GMIP: variants seen among roughly 807,000 people sequenced by gnomAD.
GMIP encodes GEM-interacting protein.
GMIP carries 54 observed loss-of-function variants against 105.3 expected under a neutral mutation model. The ratio of observed to expected loss-of-function variants is 0.51; its 90% CI spans 0.41 to 0.64. GMIP has a LOEUF of 0.64. GMIP is among the 30% of genes least tolerant of loss of function. GMIP has a pLI of 0.00. For missense variants in GMIP, 1,110 were observed against 1,319.4 expected (o/e 0.84, Z 2.46); for synonymous variants, 541 against 560.8 (o/e 0.96, Z 0.50).
At position 19,637,321 on chromosome 19, in the gene GMIP, G is replaced by A. The variant is rs1280426378; in HGVS notation, c.1124+44C>T. ...CCTGCGGTGCCAACAGCCTGGCATCGCGATTCCGGGGCTCGTTCCCGACTC... is the reference window on the plus strand; with the variant it reads ...CCTGCGGTGCCAACAGCCTGGCATCACGATTCCGGGGCTCGTTCCCGACTC... On this transcript the variant is annotated intron_variant, in intron 11 of 20. Transcript: ENST00000203556. This position sits in a 1 kb window ranked among gnomAD's most constrained non-coding sequence, Gnocchi z 6.7. 1.5e-6 allele frequency: 2 copies of A among 1,316,700 alleles called. No homozygotes were observed. Among genetic ancestry groups the A allele is most frequent in the African/African-American group, 1.5e-5 (1 of 66,000 alleles). 81.6% of individuals were successfully genotyped at this position (1,316,700 alleles called of 1,614,324 possible).
At position 19,637,677 on chromosome 19, in the gene GMIP, G is replaced by T; in HGVS notation, c.928-116C>A. The T allele has an allele frequency of 1.1e-6, 1 of 930,656 alleles. No homozygotes were observed. The highest frequency in any genetic ancestry group is 1.5e-6 in the Non-Finnish European group (1 of 646,870). 57.6% of individuals were successfully genotyped at this position (930,656 alleles called of 1,614,324 possible). ...CGTGGTCAGGGTTTGGGACGCACCT[G>T]GGCGGCTTAGGAACTAGGGCAGTCG... On this transcript the variant is annotated intron_variant, in intron 10 of 20. Coordinates refer to ENST00000203556, the MANE Select transcript of GMIP (RefSeq NM_016573.4). The surrounding 1 kb of genome is among the most constrained non-coding windows in gnomAD (Gnocchi z 6.7).
intron 2 of GMIP, 40 bp from the exon 3 acceptor site, chr19:19,642,091 A>AG: frequency 7.1e-7 from 1 of 1,415,192 alleles, no homozygotes; most frequent in African/African-American, 1.4e-5. Context: ...CCTTACACCC[A>AG]GTCTGTCCTG....
In GMIP at chr19:19,634,187, C is replaced by A; in HGVS notation, c.2088G>T (p.Val696=). 6.3e-7 allele frequency: 1 copy of A among 1,593,168 alleles called. No homozygotes were observed. The change falls in exon 19 of 21, where the codon GTG becomes GTT. Residue 696 remains valine (V), a synonymous_variant. Coordinates refer to ENST00000203556, the MANE Select transcript of GMIP (RefSeq NM_016573.4). The surrounding 1 kb of genome is among the most constrained non-coding windows in gnomAD (Gnocchi z 6.1). Reference sequence around the variant, plus strand: ...TCTTGTTTTCCATAAATCGTGCAGCCACCCTGGGGATGGTGTGAAGAGAAA... The same window carrying A: ...TCTTGTTTTCCATAAATCGTGCAGCAACCCTGGGGATGGTGTGAAGAGAAA... ...LRHLVAHLFR[V]AARFMENKMS... is the part of the protein sequence containing the mutation.
At chr19:19,638,586 A>G in intron 7 of GMIP, 104 bp from the exon 8 acceptor site, 1 of 922,028 alleles carries the variant, frequency 1.1e-6, no homozygotes, top group South Asian at 1.6e-5. Context: ...CCACCTCTGG[A>G]CTCTATTTTT....
intron 19 of GMIP, 62 bp downstream of exon 19, chr19:19,633,741 A>T: frequency 8.6e-7 from 1 of 1,168,148 alleles, no homozygotes; most frequent in South Asian, 2.9e-5. Context: ...GTGAAAGAGA[A>T]GGTAAGAGAA....
chr19:19,630,366 G>C lies in GMIP; in HGVS notation c.2540-30C>G. The C allele has an allele frequency of 1.9e-6, 3 of 1,561,480 alleles. No homozygotes were observed. The highest frequency in any genetic ancestry group is 2.6e-6 in the Non-Finnish European group (3 of 1,156,356). ...GTACGGGGTGGGTGGTCAGTGCAGAGCACCTCCAAGTTCTCTGTATATCCC... is the reference window on the plus strand; with the variant it reads ...GTACGGGGTGGGTGGTCAGTGCAGACCACCTCCAAGTTCTCTGTATATCCC... On this transcript the variant is annotated intron_variant, in intron 20 of 20. Transcript: ENST00000203556. The surrounding 1 kb of genome is among the most constrained non-coding windows in gnomAD (Gnocchi z 4.8).
Position 19,635,254 on chromosome 19 carries a change from C to A in GMIP, c.1561-41G>T. 6.3e-7 allele frequency: 1 copy of A among 1,575,736 alleles called. No individual in the cohort carries two copies. Among genetic ancestry groups the A allele is most frequent in the Non-Finnish European group, 8.7e-7 (1 of 1,151,812 alleles). On this transcript the variant is annotated intron_variant, in intron 15 of 20. Transcript: ENST00000203556. The surrounding 1 kb of genome is among the most constrained non-coding windows in gnomAD (Gnocchi z 4.7). Reference sequence around the variant, plus strand: ...CAGGGACAGGGAGGTCATTAGGGACCAGTAGGGGAAGAGAAGGTTACAAGG... The same window carrying A: ...CAGGGACAGGGAGGTCATTAGGGACAAGTAGGGGAAGAGAAGGTTACAAGG...
rs750477974 is a variant in GMIP, at chr19:19,634,585, C to T, written c.2006G>A (p.Arg669His). 2.3e-5 allele frequency: 37 copies of T among 1,613,278 alleles called. No individual in the cohort carries two copies. The highest frequency in any genetic ancestry group is 2.2e-4 in the South Asian group (20 of 91,064). The change falls in exon 18 of 21, where the codon CGC (arginine) becomes CAC (histidine). Residue 669 changes from arginine to histidine, a missense_variant. By Grantham distance (29) the Arg-to-His change is conservative (BLOSUM62 0). Coordinates refer to ENST00000203556, the MANE Select transcript of GMIP (RefSeq NM_016573.4). This position sits in a 1 kb window ranked among gnomAD's most constrained non-coding sequence, Gnocchi z 6.1. Reference protein sequence around the residue: ...GTPSPSPEVIRSLKTLLVQLP... With the variant: ...GTPSPSPEVIHSLKTLLVQLP... ...CTGTACCAAGAGGGTCTTCAGCGAG[C>T]GGATAACCTCAGGGCTGGGGCTGGG...
At chr19:19,641,106 A>G (rs2061914310) in intron 4 of GMIP, among the ~76,000 whole-genome samples, 1 of 146,184 alleles carries the variant, frequency 6.8e-6, no homozygotes, top group African/African-American at 2.6e-5. Context: ...TTTGAGGCGG[A>G]GTCTCGCTCT....
chr19:19,643,481 G>T (rs764395269), intron 1 of GMIP, 30 bp downstream of exon 1: 3 of 1,537,772 alleles, frequency 2.0e-6, no homozygotes, highest in African/African-American at 2.8e-5. Flanking sequence ...ATGGTCGGGG[G>T]AGGCCCCTCC....
At position 19,642,567 on chromosome 19, in the gene GMIP, G is replaced by A. The variant is rs1268364928; in HGVS notation, c.72C>T (p.Ser24=). Residue 24 remains serine (S), a synonymous_variant, in exon 2 of 21, where the codon AGC becomes AGT. Coordinates refer to ENST00000203556, the MANE Select transcript of GMIP (RefSeq NM_016573.4). ...CCAGTGAGATTTCGAGGTTGTCCAG[G>A]CTCCGGAAGATGTCACTGTACCTCT... ...GRKRYSDIFR[S]LDNLEISLGN... 3 of 1,611,032 alleles carry A rather than the reference G, an allele frequency of 1.9e-6. No homozygotes were observed. In the South Asian group the frequency reaches 3.3e-5, roughly 18 times the overall value.
At chr19:19,633,301 G>T (rs1490381521) in intron 19 of GMIP, among the ~76,000 whole-genome samples, 1 of 152,044 alleles carries the variant, frequency 6.6e-6, no homozygotes, top group African/African-American at 2.4e-5. Context: ...CAGGTGATTT[G>T]CCTGCCCCAG....
Position 19,638,010 on chromosome 19 carries a change from G to T in GMIP, c.837C>A (p.Asn279Lys), listed in dbSNP as rs1489395793. Residue 279 changes from asparagine to lysine, a missense_variant, in exon 10 of 21, where the codon AAC becomes AAA. Coordinates refer to ENST00000203556, the MANE Select transcript of GMIP (RefSeq NM_016573.4). Reference sequence around the variant, plus strand: ...CGATCTCCAGGTCCTGCTGCCGCGCGTTGGCCTCGCGGACACAGGCCTGGT... The same window carrying T: ...CGATCTCCAGGTCCTGCTGCCGCGCTTTGGCCTCGCGGACACAGGCCTGGT... ...ALYQACVREA[N>K]ARQQDLEIAK... 6.2e-7 allele frequency: 1 copy of T among 1,608,366 alleles called. No individual in the cohort carries two copies. The highest frequency in any genetic ancestry group is 1.7e-5 in the Admixed American group (1 of 59,556).
rs1280426378 is a variant in GMIP at position 19,637,321 on chromosome 19, G to C, written c.1124+44C>G. On this transcript the variant is annotated intron_variant, in intron 11 of 20. Transcript: ENST00000203556. The surrounding 1 kb of genome is among the most constrained non-coding windows in gnomAD (Gnocchi z 6.7). ...CCTGCGGTGCCAACAGCCTGGCATC[G>C]CGATTCCGGGGCTCGTTCCCGACTC... 2 of 1,316,584 alleles carry C rather than the reference G, an allele frequency of 1.5e-6. No individual in the cohort carries two copies. Among genetic ancestry groups the C allele is most frequent in the Non-Finnish European group, 2.1e-6 (2 of 965,648 alleles). 81.6% of individuals were successfully genotyped at this position (1,316,584 alleles called of 1,614,324 possible). A position where few individuals can be genotyped will look rare whatever the true frequency, so the allele number is the denominator to read the frequency against.
At chr19:19,640,249 G>A in intron 6 of GMIP, 47 bp downstream of exon 6, 1 of 1,585,168 alleles carries the variant, frequency 6.3e-7, no homozygotes, top group African/African-American at 1.3e-5. Flanking sequence ...GACAAAGGTG[G>A]GGTTCTAGGG....
rs781015469 is a variant in GMIP, at chr19:19,634,109, C to T, written c.2166G>A (p.Pro722=). Residue 722 remains proline (P), a synonymous_variant, in exon 19 of 21, where the codon CCG becomes CCA. Transcript: ENST00000203556. The surrounding 1 kb of genome is among the most constrained non-coding windows in gnomAD (Gnocchi z 6.1). ...TGGCGCTGGCTGCCCGCGGGCCGTC[C>T]GGCGGCCGCAGCAGTGTCGGCCCAA... The part of the protein sequence containing the change: ...IVFGPTLLRP[P]DGPRAASAIP... 4.6e-5 allele frequency: 74 copies of T among 1,612,554 alleles called. No individual in the cohort carries two copies. In the Middle Eastern group the frequency reaches 5.8e-3, roughly 125 times the overall value.
intron 7 of GMIP, among the ~76,000 whole-genome samples, chr19:19,639,725 T>G (rs1398602048): frequency 6.6e-6 from 1 of 152,106 alleles, no homozygotes; most frequent in Non-Finnish European, 1.5e-5. Flanking sequence ...GGCAGGCGCC[T>G]GTAATCCCAG....
chr19:19,630,348 G>A lies in GMIP; in HGVS notation c.2540-12C>T, dbSNP rs2061782080. On this transcript the variant is annotated splice_polypyrimidine_tract_variant and intron_variant, in intron 20 of 20. Coordinates refer to ENST00000203556, the MANE Select transcript of GMIP (RefSeq NM_016573.4). The surrounding 1 kb of genome is among the most constrained non-coding windows in gnomAD (Gnocchi z 4.8). ...GCCTTGGCTGGACACTGTGTACGGG[G>A]TGGGTGGTCAGTGCAGAGCACCTCC... 6.5e-7 allele frequency: 1 copy of A among 1,545,980 alleles called. No homozygotes were observed. Among genetic ancestry groups the A allele is most frequent in the African/African-American group, 1.4e-5 (1 of 72,908 alleles).
Position 19,637,884 on chromosome 19 carries a change from G to T in GMIP, c.927+36C>A. ...GGGGCACTCAGTCGGGGCCCCAACG[G>T]GGTGAGGGGAGGATGGCCTTGGGGA... On this transcript the variant is annotated intron_variant, in intron 10 of 20. Coordinates refer to ENST00000203556, the MANE Select transcript of GMIP (RefSeq NM_016573.4). The surrounding 1 kb of genome is among the most constrained non-coding windows in gnomAD (Gnocchi z 6.7). 1.9e-6 allele frequency: 3 copies of T among 1,568,910 alleles called. No individual in the cohort carries two copies. Among genetic ancestry groups the T allele is most frequent in the Non-Finnish European group, 2.6e-6 (3 of 1,156,594 alleles).
Sources: gnomAD v4.1 joint callset for allele counts (sites outside exome capture counted in the v4.1 genomes callset) on GRCh38, gnomAD v4.1.1 for gene constraint, Gnocchi (gnomAD v3.1) non-coding constraint, MANE v1.5 for transcripts, NCBI Gene and HGNC (gene_info 2026-07-23, HGNC 2026-07-21) for gene names.